ADGRG4: variants seen among roughly 807,000 people sequenced by gnomAD.
The protein encoded by ADGRG4 is G protein-coupled receptor 112.
ADGRG4 carries 122 observed loss-of-function variants against 126.2 expected under a neutral mutation model. The ratio of observed to expected loss-of-function variants is 0.97; its 90% CI spans 0.83 to 1.12. ADGRG4 has a LOEUF of 1.12. Ranked by LOEUF, ADGRG4 falls within the 50% of genes most tolerant of loss-of-function variation. The pLI is 0.00. For synonymous variants in ADGRG4, 943 were observed against 838.7 expected (o/e 1.12, Z -2.15); for missense variants, 2,481 against 2,251.8 (o/e 1.10, Z -2.06).
intron 5 of ADGRG4, among the ~76,000 whole-genome samples, chrX:136,338,126 T>C (rs533656107): frequency 9.1e-5 from 10 of 110,193 alleles, no homozygotes; most frequent in African/African-American, 3.3e-4. Context: ...AAATTTGGTT[T>C]TGTATTCTTT....
At chrX:136,374,328 C>A (rs1357874772) in intron 15 of ADGRG4, among the ~76,000 whole-genome samples, 1 of 111,262 alleles carries the variant, frequency 9.0e-6, no homozygotes, top group Non-Finnish European at 1.9e-5. Context: ...CTGCTATGAA[C>A]CTTTGTGTAT....
At chrX:136,356,987 G>A (rs1396815397) in intron 9 of ADGRG4, among the ~76,000 whole-genome samples, 1 of 112,148 alleles carries the variant, frequency 8.9e-6, no homozygotes, top group Middle Eastern at 4.6e-3. Context: ...AGGTGATAGA[G>A]CAAGGCTCTG....
chrX:136,301,181 T>G (rs1405918528), intron 1 of ADGRG4, among the ~76,000 whole-genome samples, 181 bp downstream of exon 1: 7 of 112,091 alleles, frequency 6.2e-5, no homozygotes, highest in East Asian at 2.8e-4. Context: ...CACAATGGTT[T>G]AACCAGTTTA....
intron 15 of ADGRG4, among the ~76,000 whole-genome samples, chrX:136,384,113 G>A (rs1244959648): frequency 9.1e-6 from 1 of 109,834 alleles, no homozygotes; most frequent in Non-Finnish European, 1.9e-5. Context: ...GTTTCACCAT[G>A]TTGGTCAGGC....
rs2074743599 is a variant in ADGRG4, at chrX:136,307,874, T to G, written c.-9-895T>G. Among the ~76,000 whole-genome samples the G allele has an allele frequency of 2.7e-5, 3 of 112,323 alleles. No individual in the cohort carries two copies. The South Asian group carries it at 1.1e-3, about 41-fold the overall frequency. On this transcript the variant is annotated intron_variant, in intron 3 of 25. Coordinates refer to ENST00000394143, the MANE Select transcript of ADGRG4 (RefSeq NM_153834.4). ...GAGGGTTTTAAGTGCATTTTCCACA[T>G]AAGACACTATAGTTACAATTAATTA... is the stretch of plus-strand genomic sequence containing the variant.
chrX:136,345,261 G>C lies in ADGRG4; in HGVS notation c.1555G>C (p.Ala519Pro), dbSNP rs377371257. 5.8e-6 allele frequency: 7 copies of C among 1,209,435 alleles called. No individual in the cohort carries two copies. Among genetic ancestry groups the C allele is most frequent in the Non-Finnish European group, 6.7e-6 (6 of 894,785 alleles). The change falls in exon 6 of 26, where the codon GCC becomes CCC. Residue 519 changes from alanine (A) to proline (P), a missense_variant. By Grantham distance (27) the Ala-to-Pro change is conservative. Transcript: ENST00000394143. ...LPTRLIETTP[A>P]PRTAETELTS... ...AACTAGGCTTATTGAGACCACACCT[G>C]CCCCAAGGACAGCTGAAACAGAATT...
intron 5 of ADGRG4, 37 bp downstream of exon 5, chrX:136,323,429 A>G: frequency 8.6e-7 from 1 of 1,157,923 alleles, no homozygotes; most frequent in East Asian, 3.0e-5. Context: ...TAGCAAGGGT[A>G]GTGTTGACAC....
chrX:136,415,693 TTAG>T (rs960858684), intron 25 of ADGRG4, among the ~76,000 whole-genome samples: 5 of 111,767 alleles, frequency 4.5e-5, no homozygotes, highest in African/African-American at 1.3e-4. Context: ...TGGGAGCTCC[TTAG>T]TAGATAATAG....
In ADGRG4 at chrX:136,345,072, C is replaced by T. The variant is rs1569322152; in HGVS notation, c.1366C>T (p.Pro456Ser). Reference protein sequence around the residue: ...VPWFTVEKTSPASTHVGTASS... With the variant: ...VPWFTVEKTSSASTHVGTASS... ...TTGGTTTACAGTGGAAAAGACTTCA[C>T]CTGCATCTACTCATGTTGGGACTGC... Residue 456 changes from proline to serine, a missense_variant, in exon 6 of 26, where the codon CCT (proline) becomes TCT (serine). Pro to Ser is a moderately conservative substitution (Grantham distance 74). Transcript: ENST00000394143. The T allele has an allele frequency of 3.3e-6, 4 of 1,210,286 alleles. No individual in the cohort carries two copies. Among genetic ancestry groups the T allele is most frequent in the Non-Finnish European group, 3.4e-6 (3 of 894,206 alleles).
At chrX:136,385,703 C>T (rs976070772) in intron 15 of ADGRG4, among the ~76,000 whole-genome samples, 1 of 111,870 alleles carries the variant, frequency 8.9e-6, no homozygotes, top group Admixed American at 9.5e-5. Flanking sequence ...TATATATGAA[C>T]ACTCTAGATT....
At position 136,346,017 on chromosome X, in the gene ADGRG4, G is replaced by T; in HGVS notation, c.2311G>T (p.Ala771Ser). The change falls in exon 6 of 26, where the codon GCA becomes TCA. Residue 771 changes from alanine to serine, a missense_variant. Coordinates refer to ENST00000394143, the MANE Select transcript of ADGRG4 (RefSeq NM_153834.4). ...AACAATACCTATGTCTACAAAACCT[G>T]CAAATGAACTTCCTTTGACACCAAG... is the stretch of plus-strand genomic sequence containing the variant. ...LKTIPMSTKP[A>S]NELPLTPRET... 1 of 1,204,707 alleles carries T rather than the reference G, an allele frequency of 8.3e-7. No individual in the cohort carries two copies. The highest frequency in any genetic ancestry group is 1.1e-6 in the Non-Finnish European group (1 of 890,189).
Position 136,345,825 on chromosome X carries a change from G to A in ADGRG4, c.2119G>A (p.Ala707Thr). 1 of 1,210,273 alleles carries A rather than the reference G, an allele frequency of 8.3e-7. No individual in the cohort carries two copies. The highest frequency in any genetic ancestry group is 1.1e-6 in the Non-Finnish European group (1 of 894,413). ...AACTACCAATATCACCCCACTGAAA[G>A]CATCTCCAGAGGGCAAAGGTACCAC... ...SATTNITPLK[A>T]SPEGKGTTAN... The change falls in exon 6 of 26, where the codon GCA becomes ACA. Residue 707 changes from alanine to threonine, a missense_variant. Coordinates refer to ENST00000394143, the MANE Select transcript of ADGRG4 (RefSeq NM_153834.4).
At chrX:136,373,483 C>T (rs1249227522) in intron 15 of ADGRG4, among the ~76,000 whole-genome samples, 1 of 111,928 alleles carries the variant, frequency 8.9e-6, no homozygotes, top group African/African-American at 3.2e-5. Flanking sequence ...CCCTTTCCAC[C>T]ATATCATACC....
At chrX:136,374,619 G>A (rs747331459) in intron 15 of ADGRG4, among the ~76,000 whole-genome samples, 8 of 110,481 alleles carry the variant, frequency 7.2e-5, no homozygotes, top group Non-Finnish European at 1.3e-4. Context: ...TAGTAGAGAC[G>A]GGGTTTAGCC....
intron 5 of ADGRG4, among the ~76,000 whole-genome samples, chrX:136,334,456 T>C (rs762963132): frequency 1.8e-5 from 2 of 111,920 alleles, no homozygotes; most frequent in Non-Finnish European, 3.8e-5. Flanking sequence ...CCATAAAAAT[T>C]TTAGACTATG....
chrX:136,371,660 T>C, intron 14 of ADGRG4, 116 bp downstream of exon 14: 1 of 444,719 alleles, frequency 2.2e-6, no homozygotes, highest in South Asian at 5.7e-5. Flanking sequence ...ATTGAAAATA[T>C]CCTTAAAAAA....
intron 5 of ADGRG4, among the ~76,000 whole-genome samples, chrX:136,329,097 C>T (rs746960547): frequency 1.1e-4 from 12 of 111,158 alleles, no homozygotes; most frequent in Non-Finnish European, 1.9e-4. Context: ...TATTTTTCTA[C>T]CCCACAGGCA....
chrX:136,349,223 A>G lies in ADGRG4; in HGVS notation c.5517A>G (p.Ser1839=), dbSNP rs145599230. 3,232 of 1,201,679 alleles carry G rather than the reference A, an allele frequency of 2.7e-3. 5 individuals carry two copies. The highest frequency in any genetic ancestry group is 3.0e-3 in the Non-Finnish European group (2,678 of 889,413). The part of the protein sequence containing the change: ...TLPSLTSFVY[S]PHSTEAEIST... ...CCTCTTTGACATCATTTGTTTATTC[A>G]CCTCATAGTACTGAAGCTGAGATCT... The change falls in exon 6 of 26, where the codon TCA becomes TCG. Residue 1839 remains serine, a synonymous_variant. Transcript: ENST00000394143.
Position 136,361,529 on chromosome X carries a change from A to C in ADGRG4, c.7219A>C (p.Thr2407Pro), listed in dbSNP as rs2075128762. The change falls in exon 12 of 26, where the codon ACG (threonine) becomes CCG (proline). Residue 2407 changes from threonine to proline, a missense_variant. Physicochemically the swap from Thr to Pro is conservative, Grantham distance 38. Coordinates refer to ENST00000394143, the MANE Select transcript of ADGRG4 (RefSeq NM_153834.4). ...CTATAAGTGGCTATTAACCAACCCT[A>C]CGGAGACAGCCCAAACCAGATGCAT... ...GTYKWLLTNP[T>P]ETAQTRCIKN... The C allele has an allele frequency of 1.7e-6, 2 of 1,192,462 alleles. No individual in the cohort carries two copies.
Sources: allele counts gnomAD v4.1 joint callset (sites outside exome capture counted in the v4.1 genomes callset), GRCh38; gene constraint gnomAD v4.1.1; transcripts MANE v1.5; gene names NCBI Gene and HGNC (gene_info 2026-07-23, HGNC 2026-07-21).